Variants in SYNE2 observed in about 807,000 individuals in gnomAD.
SYNE2 encodes spectrin repeat containing nuclear envelope protein 2, also known as nesprin-2.
In SYNE2, 431 loss-of-function variants were observed where a neutral mutation model predicts 856.3. The observed-to-expected ratio is 0.50, with a 90% CI of 0.47 to 0.55. The LOEUF is 0.55. SYNE2 is among the 20% of genes least tolerant of loss of function. The pLI is 0.00. For synonymous variants in SYNE2, 2,923 were observed against 2,872.3 expected (o/e 1.02, Z -0.56); for missense variants, 8,129 against 8,023.2 (o/e 1.01, Z -0.50).
chr14:64,209,078 C>A (rs543318167), intron 101 of SYNE2, 133 bp downstream of exon 101: 3 of 1,152,128 alleles, frequency 2.6e-6, no homozygotes, highest in East Asian at 2.5e-5. Context: ...GAAGGCCCAA[C>A]GCTTATCAAA....
chr14:64,195,713 A>T (rs1567611692), intron 99 of SYNE2, among the ~76,000 whole-genome samples: 4 of 152,194 alleles, frequency 2.6e-5, no homozygotes, highest in Non-Finnish European at 5.9e-5. Flanking sequence ...TGCCTTTTTA[A>T]ACTGATAAAG....
At chr14:63,980,122 T>A (rs954030638) in intron 14 of SYNE2, among the ~76,000 whole-genome samples, 1 of 152,216 alleles carries the variant, frequency 6.6e-6, no homozygotes, top group East Asian at 1.9e-4. Context: ...ATTTAAATAT[T>A]CATACTATTG....
upstream of SYNE2, among the ~76,000 whole-genome samples, chr14:63,849,656 G>A (rs1447747885): frequency 2.6e-5 from 4 of 152,176 alleles, no homozygotes; most frequent in South Asian, 2.1e-4. Flanking sequence ...CAGGATGCAA[G>A]TATAAACACA....
At chr14:63,863,668 T>C (rs148910296) in intron 1 of SYNE2, among the ~76,000 whole-genome samples, 52 of 152,256 alleles carry the variant, frequency 3.4e-4, no homozygotes, top group Admixed American at 6.5e-4. Flanking sequence ...AGCCAGTGTA[T>C]GATGGGATTG....
intron 58 of SYNE2, 53 bp from the exon 59 acceptor site, chr14:64,089,521 A>G: frequency 1.3e-6 from 2 of 1,548,700 alleles, no homozygotes; most frequent in Non-Finnish European, 1.8e-6. Context: ...ACTGTTTTAT[A>G]GATGATTAAT....
intron 1 of SYNE2, among the ~76,000 whole-genome samples, chr14:63,853,820 C>T (rs1160805748): frequency 1.3e-5 from 2 of 152,118 alleles, no homozygotes; most frequent in Non-Finnish European, 2.9e-5. Flanking sequence ...GATTATAATT[C>T]CATTTTGATT....
chr14:64,022,854 A>G lies in SYNE2; in HGVS notation c.5628A>G (p.Gln1876=), dbSNP rs746908181. 4.4e-6 allele frequency: 7 copies of G among 1,579,746 alleles called. No homozygotes were observed. The Admixed American group carries it at 6.7e-5, about 15-fold the overall frequency. ...AAAAGAGTGTGGAACAAAAGCTACA[A>G]AAACTTTCTGTAAGAGATATATGTG... ...ETKKSVEQKL[Q]KLSDFLTLEG... Residue 1876 remains glutamine, a synonymous_variant, in exon 38 of 116, where the codon CAA becomes CAG. Transcript: ENST00000555002.
intron 1 of SYNE2, among the ~76,000 whole-genome samples, chr14:63,770,511 A>T (rs879209007): frequency 6.6e-6 from 1 of 152,164 alleles, no homozygotes; most frequent in Non-Finnish European, 1.5e-5. Context: ...AATAAGTATA[A>T]AATGATGGCT....
At chr14:64,022,174 G>T in intron 37 of SYNE2, 146 bp downstream of exon 37, 1 of 789,058 alleles carries the variant, frequency 1.3e-6, no homozygotes, top group Non-Finnish European at 2.1e-6. Context: ...AAATCTTTTG[G>T]GAGCAAAGAC....
Position 63,995,150 on chromosome 14 carries a change from A to G in SYNE2, c.2888A>G (p.Glu963Gly). 1 of 1,606,012 alleles carries G rather than the reference A, an allele frequency of 6.2e-7. No homozygotes were observed. The highest frequency in any genetic ancestry group is 8.5e-7 in the Non-Finnish European group (1 of 1,176,246). ...AAACTTGAAAAGCAAATAAATAAAGAAAAGAAACTTATCCGTAGAGGAAGG... is the reference window on the plus strand; with the variant it reads ...AAACTTGAAAAGCAAATAAATAAAGGAAAGAAACTTATCCGTAGAGGAAGG... ...ILKLEKQINK[E>G]KKLIRRGRTK... Residue 963 changes from glutamate (E) to glycine (G), a missense_variant, in exon 23 of 116, where the codon GAA (glutamate) becomes GGA (glycine). Around this residue, in one of 3 missense-constraint regions of SYNE2, gnomAD observed 2,422 missense variants for 2,357.4 expected, o/e 1.03. Transcript: ENST00000555002.
intron 1 of SYNE2, among the ~76,000 whole-genome samples, chr14:63,892,737 T>C (rs1256051318): frequency 2.0e-5 from 3 of 151,242 alleles, no homozygotes; most frequent in Admixed American, 2.0e-4. Context: ...TTCTTTTTTT[T>C]TTTTTTTTTG....
chr14:64,021,391 T>G lies in SYNE2; in HGVS notation c.5228T>G (p.Leu1743Arg). 1 of 1,614,178 alleles carries G rather than the reference T, an allele frequency of 6.2e-7. No homozygotes were observed. Among genetic ancestry groups the G allele is most frequent in the Non-Finnish European group, 8.5e-7 (1 of 1,180,018 alleles). The change falls in exon 36 of 116, where the codon CTC (leucine) becomes CGC (arginine). Residue 1743 changes from leucine to arginine, a missense_variant. Physicochemically the swap from Leu to Arg is moderately radical, Grantham distance 102. Around this residue, in one of 3 missense-constraint regions of SYNE2, gnomAD observed 2,422 missense variants for 2,357.4 expected, o/e 1.03. Transcript: ENST00000555002. ...ACAGGAGAATCCAACTGCCATGCACTCAGTGGCAGCACTGCTGAGCTAAGG... is the reference window on the plus strand; with the variant it reads ...ACAGGAGAATCCAACTGCCATGCACGCAGTGGCAGCACTGCTGAGCTAAGG... ...CLTGESNCHA[L>R]SGSTAELRED... is the part of the protein sequence containing the mutation.
chr14:63,960,608 G>GT (rs201141267), intron 8 of SYNE2: 18,512 of 464,176 alleles, frequency 0.04, 1 homozygote, highest in South Asian at 0.054. Context: ...ACAGTGAAGT[G>GT]TTTTTTTTTT....
At chr14:64,098,673 A>T (rs1216483396) in intron 62 of SYNE2, 74 bp from the exon 63 acceptor site, 4 of 1,507,878 alleles carry the variant, frequency 2.7e-6, no homozygotes, top group Non-Finnish European at 3.7e-6. Flanking sequence ...CTACATAAAA[A>T]TGCAGCTGGA....
intron 6 of SYNE2, among the ~76,000 whole-genome samples, chr14:63,944,569 G>C (rs1337967334): frequency 1.4e-5 from 2 of 140,854 alleles, no homozygotes; most frequent in East Asian, 4.1e-4. Flanking sequence ...TGTTGCCCAG[G>C]CTGGAGTGCA....
chr14:63,959,694 C>A (rs967648521), intron 8 of SYNE2, among the ~76,000 whole-genome samples: 2 of 151,968 alleles, frequency 1.3e-5, no homozygotes, highest in Non-Finnish European at 2.9e-5. Context: ...TTTTTTACCC[C>A]CTTCCTTTTT....
At position 64,134,193 on chromosome 14, in the gene SYNE2, T is replaced by G. The variant is rs377095054; in HGVS notation, c.14639T>G (p.Phe4880Cys). 6 of 1,613,992 alleles carry G rather than the reference T, an allele frequency of 3.7e-6. No homozygotes were observed. In the African/African-American group the frequency reaches 6.7e-5, roughly 18 times the overall value. ...TEERLVERISFYQQIKRNIGG... is the reference protein window; with the variant it reads ...TEERLVERISCYQQIKRNIGG... ...GAAAGATTAGTGGAAAGGATTTCAT[T>G]TTACCAGGTATTTGTCTTCCATTTA... Residue 4880 changes from phenylalanine (F) to cysteine (C), a missense_variant, in exon 78 of 116, where the codon TTT becomes TGT. This residue lies in a region of SYNE2 where 5,410 missense variants were observed against 5,284.8 expected (regional missense o/e 1.02). Transcript: ENST00000555002.
chr14:64,151,740 G>C lies in SYNE2; in HGVS notation c.15640-824G>C, dbSNP rs541437179. On this transcript the variant is annotated intron_variant, in intron 84 of 115. Coordinates refer to ENST00000555002, the MANE Select transcript of SYNE2 (RefSeq NM_182914.3). ...CAAATTTGTGAATTGGGAGACTTGA[G>C]GGGAATTCAAAATGAATCCCTCTGA... 2.0e-5 allele frequency among the ~76,000 whole-genome samples: 3 copies of C among 152,304 alleles called. No homozygotes were observed. The East Asian group carries it at 5.8e-4, about 29-fold the overall frequency.
In SYNE2 at chr14:64,062,805, C is replaced by A; in HGVS notation, c.10122C>A (p.Asn3374Lys). The change falls in exon 50 of 116, where the codon AAC (asparagine) becomes AAA (lysine). Residue 3374 changes from asparagine (N) to lysine (K), a missense_variant. Coordinates refer to ENST00000555002, the MANE Select transcript of SYNE2 (RefSeq NM_182914.3). Reference protein sequence around the residue: ...YRKMEEDIYTNLSKMETVLGQ... With the variant: ...YRKMEEDIYTKLSKMETVLGQ... ...AAATGGAAGAGGATATTTACACTAACCTCAGCAAAATGGAGACAGTTCTTG... is the reference window on the plus strand; with the variant it reads ...AAATGGAAGAGGATATTTACACTAAACTCAGCAAAATGGAGACAGTTCTTG... 2 of 1,613,990 alleles carry A rather than the reference C, an allele frequency of 1.2e-6. No homozygotes were observed. Among genetic ancestry groups the A allele is most frequent in the Non-Finnish European group, 1.7e-6 (2 of 1,179,910 alleles).
Sources: allele counts gnomAD v4.1 joint callset (sites outside exome capture counted in the v4.1 genomes callset), GRCh38; gene constraint gnomAD v4.1.1; regional missense constraint gnomAD v4.1.1; transcripts MANE v1.5; gene names NCBI Gene and HGNC (gene_info 2026-07-23, HGNC 2026-07-21).